OR2L13: variants seen among roughly 807,000 people sequenced by gnomAD.
OR2L13 encodes olfactory receptor 2L13.
OR2L13 carries 14 observed loss-of-function variants against 15.3 expected under a neutral mutation model. The ratio of observed to expected loss-of-function variants is 0.91; its 90% CI spans 0.60 to 1.43. The LOEUF (loss-of-function observed/expected upper bound fraction) is 1.43, where lower values mean the gene tolerates loss of function less well. Among genes scored for constraint, OR2L13 ranks in the 40% most tolerant of loss-of-function variants. The pLI is 0.00. For synonymous variants in OR2L13, 152 were observed against 142.9 expected (o/e 1.06, Z -0.45); for missense variants, 367 against 387.9 (o/e 0.95, Z 0.45).
the OR2L13 span, among the ~76,000 whole-genome samples, chr1:248,034,890 G>A: frequency 3.3e-5 from 5 of 152,174 alleles, no homozygotes; most frequent in Admixed American, 6.5e-5. Flanking sequence ...GGTTTTGGCT[G>A]TTGATGTTGC....
chr1:248,100,142 A>G, exon 3 of OR2L13: 1 of 1,614,130 alleles, frequency 6.2e-7, no homozygotes, highest in Non-Finnish European at 8.5e-7. Flanking sequence ...CCTTTTGTCT[A>G]CACCTATCTT....
At chr1:247,962,022 A>C in the OR2L13 span, among the ~76,000 whole-genome samples, 1 of 152,232 alleles carries the variant, frequency 6.6e-6, no homozygotes, top group Non-Finnish European at 1.5e-5. Flanking sequence ...CAGTGTGATC[A>C]TATGATCCCT....
chr1:248,025,410 C>T, the OR2L13 span, among the ~76,000 whole-genome samples: 1 of 149,076 alleles, frequency 6.7e-6, no homozygotes, highest in Non-Finnish European at 1.5e-5. Context: ...TACCATCTCA[C>T]ACCAGTTAGA....
chr1:248,079,015 G>A, the OR2L13 span, among the ~76,000 whole-genome samples: 1 of 152,114 alleles, frequency 6.6e-6, no homozygotes, highest in South Asian at 2.1e-4. Context: ...ATAACAAGAG[G>A]AAGTTTCTCT....
At chr1:248,003,718 C>A in the OR2L13 span, 1 of 1,613,564 alleles carries the variant, frequency 6.2e-7, no homozygotes, top group South Asian at 1.1e-5. Context: ...TCTATGAGGG[C>A]ACAGTGCTTT....
the OR2L13 span, among the ~76,000 whole-genome samples, chr1:247,955,758 G>A: frequency 5.9e-5 from 9 of 151,918 alleles, no homozygotes; most frequent in Admixed American, 2.0e-4. Context: ...AGAAGTGTCC[G>A]TTCATATTCT....
the OR2L13 span, among the ~76,000 whole-genome samples, chr1:247,965,006 G>A: frequency 1.3e-5 from 2 of 149,636 alleles, no homozygotes; most frequent in African/African-American, 2.4e-5. Context: ...ATACTTAAGT[G>A]TATATAAATA....
At chr1:247,965,909 T>A in the OR2L13 span, 1 of 1,612,302 alleles carries the variant, frequency 6.2e-7, no homozygotes, top group Non-Finnish European at 8.5e-7. Flanking sequence ...AACCACTTTT[T>A]CTGTGAAGTT....
the OR2L13 span, among the ~76,000 whole-genome samples, chr1:248,079,267 CT>C: frequency 0.78 from 118,957 of 151,938 alleles, 51,119 homozygotes; most frequent in South Asian, 0.95. Context: ...ATTTTCTGTA[CT>C]TTTTTTAATG....
At chr1:248,010,975 T>C in the OR2L13 span, among the ~76,000 whole-genome samples, 1 of 152,082 alleles carries the variant, frequency 6.6e-6, no homozygotes, top group African/African-American at 2.4e-5. Flanking sequence ...TTGCTATGTG[T>C]GAATTTGATC....
the OR2L13 span, among the ~76,000 whole-genome samples, chr1:248,027,237 G>A: frequency 2.6e-5 from 4 of 152,236 alleles, no homozygotes; most frequent in South Asian, 8.3e-4. Flanking sequence ...TTAGGACAAG[G>A]AAATTCCTGC....
chr1:248,031,804 A>G, the OR2L13 span, among the ~76,000 whole-genome samples: 4 of 152,124 alleles, frequency 2.6e-5, no homozygotes, highest in Admixed American at 6.6e-5. Flanking sequence ...GTAGGGGGAG[A>G]TCGGAAAAAT....
the OR2L13 span, among the ~76,000 whole-genome samples, chr1:248,076,388 C>G: frequency 6.6e-6 from 1 of 152,048 alleles, no homozygotes; most frequent in African/African-American, 2.4e-5. Flanking sequence ...TGAAGGAAGT[C>G]ATTGGTAGCT....
chr1:247,975,949 A>G, the OR2L13 span, among the ~76,000 whole-genome samples: 2 of 152,174 alleles, frequency 1.3e-5, no homozygotes, highest in East Asian at 3.9e-4. Flanking sequence ...CATAGCATTC[A>G]GCATAATAGT....
At chr1:248,010,025 AAG>A in the OR2L13 span, among the ~76,000 whole-genome samples, 2 of 152,152 alleles carry the variant, frequency 1.3e-5, no homozygotes, top group African/African-American at 4.8e-5. Context: ...TCAAAATAAT[AAG>A]AGCTATTCAT....
the OR2L13 span, among the ~76,000 whole-genome samples, chr1:248,078,830 G>T: frequency 4.6e-5 from 7 of 151,740 alleles, no homozygotes; most frequent in Admixed American, 3.3e-4. Context: ...ACTTGGATAG[G>T]GCTCAAGGGC....
chr1:248,015,281 T>C, the OR2L13 span, among the ~76,000 whole-genome samples: 1 of 152,168 alleles, frequency 6.6e-6, no homozygotes, highest in East Asian at 1.9e-4. Context: ...TAGGAGAATC[T>C]ATTGTGGAGG....
the OR2L13 span, among the ~76,000 whole-genome samples, chr1:248,027,433 C>T: frequency 2.0e-5 from 3 of 152,196 alleles, no homozygotes; most frequent in Non-Finnish European, 2.9e-5. Flanking sequence ...AGCATGTGAT[C>T]TCTGTGACCC....
At chr1:247,998,249 AG>A in the OR2L13 span, among the ~76,000 whole-genome samples, 1 of 152,172 alleles carries the variant, frequency 6.6e-6, no homozygotes. Flanking sequence ...TGTGAAATAC[AG>A]GCAACAAAAA....
Sources: allele counts gnomAD v4.1 joint callset (sites outside exome capture counted in the v4.1 genomes callset), GRCh38; gene constraint gnomAD v4.1.1; transcripts MANE v1.5; gene names NCBI Gene and HGNC (gene_info 2026-07-23, HGNC 2026-07-21).